Variants in SRGAP3 observed in about 807,000 individuals in gnomAD.
SRGAP3 encodes the protein SLIT-ROBO Rho GTPase-activating protein 3.
A neutral mutation model predicts 121.1 loss-of-function variants in SRGAP3; 39 were observed. The observed-to-expected ratio is 0.32, with a 90% CI of 0.25 to 0.42. SRGAP3 has a LOEUF of 0.42. Ranked by LOEUF, SRGAP3 falls within the 10% of genes least tolerant of loss-of-function variation. The probability of loss-of-function intolerance (pLI) is 1.00; values close to 1 mark genes in which losing one functional copy is unlikely to be tolerated. For missense variants in SRGAP3, 1,213 were observed against 1,470.6 expected (o/e 0.82, Z 2.86); for synonymous variants, 601 against 570.0 (o/e 1.05, Z -0.77).
At chr3:9,148,373 C>T (rs1950096149) in intron 1 of SRGAP3, among the ~76,000 whole-genome samples, 1 of 152,198 alleles carries the variant, frequency 6.6e-6, no homozygotes, top group Non-Finnish European at 1.5e-5. Flanking sequence ...TGGTGTCATG[C>T]AGGAAAAGAA....
rs900406109 is a variant in SRGAP3 at position 9,064,339 on chromosome 3, T to C, written c.672+57A>G. The C allele has an allele frequency of 1.5e-5, 24 of 1,610,966 alleles. 1 individual carries two copies. The highest frequency in any genetic ancestry group is 1.3e-4 in the East Asian group (6 of 44,844). The stretch of plus-strand genomic sequence containing the variant: ...AGGCTAAGGCTGTCCGCCAAGACCA[T>C]GGCCCTCCCCTTTGTGCCCTGTCCC... On this transcript the variant is annotated intron_variant, in intron 5 of 21. Transcript: ENST00000383836.
chr3:9,004,697 C>T lies in SRGAP3; in HGVS notation c.2227+5611G>A, dbSNP rs1281721304. On this transcript the variant is annotated intron_variant, in intron 18 of 21. Coordinates refer to ENST00000383836, the MANE Select transcript of SRGAP3 (RefSeq NM_014850.4). ...AAAAGAATAATTTTGTTCAACTAAT[C>T]GTGCTGGGACAACTGGAGAGCCACA... Among the ~76,000 whole-genome samples, 6 of 152,178 alleles carry T rather than the reference C, an allele frequency of 3.9e-5. No homozygotes were observed. The South Asian group carries it at 6.2e-4, about 16-fold the overall frequency.
At chr3:9,347,725 C>A (rs1955932778) in intron 1 of SRGAP3, among the ~76,000 whole-genome samples, 1 of 152,178 alleles carries the variant, frequency 6.6e-6, no homozygotes, top group Non-Finnish European at 1.5e-5. Context: ...CCATCTAGCC[C>A]TAGGAAGTCA....
At position 9,056,307 on chromosome 3, in the gene SRGAP3, C is replaced by T. The variant is rs187226406; in HGVS notation, c.1051G>A (p.Val351Ile). 3.5e-4 allele frequency: 559 copies of T among 1,613,650 alleles called. 1 individual carries two copies. Among genetic ancestry groups the T allele is most frequent in the Admixed American group, 6.8e-4 (41 of 60,028 alleles). ...TAACGCATGAGCAGTTCTGTCTGGACGGGCTGCTGAGCGCTGACCTGGCAG... is the reference window on the plus strand; with the variant it reads ...TAACGCATGAGCAGTTCTGTCTGGATGGGCTGCTGAGCGCTGACCTGGCAG... The part of the protein sequence containing the change: ...EVCQVSAQQP[V>I]QTELLMRYHQ... Residue 351 changes from valine to isoleucine, a missense_variant, in exon 8 of 22, where the codon GTC becomes ATC. This residue lies in a region of SRGAP3 where 793 missense variants were observed against 1,032.9 expected (regional missense o/e 0.77). Transcript: ENST00000383836.
intron 18 of SRGAP3, among the ~76,000 whole-genome samples, chr3:9,008,550 T>C: frequency 6.6e-6 from 1 of 151,630 alleles, no homozygotes; most frequent in East Asian, 1.9e-4. Flanking sequence ...GTGAGGGCTG[T>C]TAAAAGGGAT....
At chr3:9,181,903 G>A (rs1951415379) in intron 1 of SRGAP3, among the ~76,000 whole-genome samples, 2 of 152,104 alleles carry the variant, frequency 1.3e-5, no homozygotes, top group African/African-American at 4.8e-5. Context: ...GGCTGGGGAC[G>A]GTGGCTCACG....
chr3:9,196,075 C>T (rs2125148598), intron 1 of SRGAP3, among the ~76,000 whole-genome samples: 1 of 152,308 alleles, frequency 6.6e-6, no homozygotes, highest in Admixed American at 6.5e-5. Flanking sequence ...AAGCTTTCTG[C>T]AGGAGGTGGG....
intron 4 of SRGAP3, among the ~76,000 whole-genome samples, chr3:9,066,824 AG>A (rs954506087): frequency 4.6e-5 from 7 of 152,200 alleles, no homozygotes; most frequent in African/African-American, 1.7e-4. Flanking sequence ...ATTAAATCAC[AG>A]CATTGATTCA....
Position 8,985,567 on chromosome 3 carries a change from G to T in SRGAP3, c.3252C>A (p.Thr1084=). ...CTGAGCTGTTGGGGAACATCTTCTCGGTGGGCGTCACGGCCGGGCTGCCCA... is the reference window on the plus strand; with the variant it reads ...CTGAGCTGTTGGGGAACATCTTCTCTGTGGGCGTCACGGCCGGGCTGCCCA... ...SGVGSPAVTP[T]EKMFPNSSAD... is the part of the protein sequence containing the mutation. The change falls in exon 22 of 22, where the codon ACC becomes ACA. Residue 1084 remains threonine, a synonymous_variant. Coordinates refer to ENST00000383836, the MANE Select transcript of SRGAP3 (RefSeq NM_014850.4). This position sits in a 1 kb window ranked among gnomAD's most constrained non-coding sequence, Gnocchi z 5.1. 6 of 1,598,670 alleles carry T rather than the reference G, an allele frequency of 3.8e-6. No individual in the cohort carries two copies. Among genetic ancestry groups the T allele is most frequent in the Non-Finnish European group, 5.1e-6 (6 of 1,179,410 alleles).
rs1473849846 is a variant in SRGAP3 at position 8,983,207 on chromosome 3, T to C, written c.*2312A>G. On this transcript the variant is annotated 3_prime_UTR_variant, in exon 22 of 22. Transcript: ENST00000383836. ...CTCTGCTCCTAGCCAGTGTCAAATC[T>C]TGGGCAGGTCACAGCACAGCCCAAG... 2 of 226,836 alleles carry C rather than the reference T, an allele frequency of 8.8e-6. No homozygotes were observed. Among genetic ancestry groups the C allele is most frequent in the Non-Finnish European group, 1.8e-5 (2 of 114,224 alleles). The allele number at this position is 226,836 out of a possible 1,614,324, so 14.1% of individuals were successfully genotyped here.
At chr3:9,140,467 T>C (rs985006579) in intron 1 of SRGAP3, among the ~76,000 whole-genome samples, 5 of 152,172 alleles carry the variant, frequency 3.3e-5, no homozygotes, top group Non-Finnish European at 7.4e-5. Context: ...ATCATGGTTA[T>C]TTTGAGGTGG....
Position 9,334,567 on chromosome 3 carries a change from C to T in SRGAP3, n.215-3971G>A, listed in dbSNP as rs185132671. Among the ~76,000 whole-genome samples the T allele has an allele frequency of 8.2e-3, 1,250 of 152,194 alleles. 19 individuals carry two copies. The highest frequency in any genetic ancestry group is 0.024 in the Middle Eastern group (7 of 294). ...CATGAGTAATCATCTCTCATTAAGG[C>T]CCTTTATGTACTAGTCACTATATTA... is the stretch of plus-strand genomic sequence containing the variant. On this transcript the variant is annotated intron_variant and non_coding_transcript_variant, in intron 1 of 3. Coordinates refer to the SRGAP3 transcript ENST00000490889.
At chr3:9,178,516 T>C (rs1438760957) in intron 1 of SRGAP3, among the ~76,000 whole-genome samples, 2 of 152,222 alleles carry the variant, frequency 1.3e-5, no homozygotes, top group Admixed American at 1.3e-4. Context: ...GTCTGAATTG[T>C]GTTTTTGACA....
intron 12 of SRGAP3, among the ~76,000 whole-genome samples, chr3:9,030,442 CA>C (rs1944427387): frequency 1.3e-5 from 2 of 152,150 alleles, no homozygotes; most frequent in African/African-American, 4.8e-5. Flanking sequence ...ATTCCAAAGA[CA>C]AGGTGTCCAT....
At chr3:9,062,145 CCT>C (rs1192222024) in intron 5 of SRGAP3, among the ~76,000 whole-genome samples, 2 of 152,072 alleles carry the variant, frequency 1.3e-5, no homozygotes, top group African/African-American at 4.8e-5. Flanking sequence ...TGACCATGAC[CCT>C]GAGACCATTT....
intron 3 of SRGAP3, among the ~76,000 whole-genome samples, chr3:9,082,707 C>G (rs1947298878): frequency 6.6e-6 from 1 of 152,194 alleles, no homozygotes; most frequent in Non-Finnish European, 1.5e-5. Context: ...CATAGCTGGA[C>G]CAGCTGCTAA....
chr3:9,300,504 T>C (rs1955038202), intron 3 of SRGAP3, among the ~76,000 whole-genome samples: 1 of 152,004 alleles, frequency 6.6e-6, no homozygotes, highest in Admixed American at 6.5e-5. Flanking sequence ...TTCCCATCTT[T>C]GCCACCTGTG....
intron 3 of SRGAP3, among the ~76,000 whole-genome samples, chr3:9,083,176 C>T (rs910030660): frequency 2.0e-5 from 3 of 152,188 alleles, no homozygotes; most frequent in Non-Finnish European, 4.4e-5. Context: ...ACTGCTGACT[C>T]CAGATTCTCT....
At chr3:9,226,274 G>C (rs1026174262) in intron 1 of SRGAP3, among the ~76,000 whole-genome samples, 1 of 152,196 alleles carries the variant, frequency 6.6e-6, no homozygotes, top group Admixed American at 6.5e-5. Context: ...ATCAGAAAGA[G>C]TTTTACTTTT....
Sources: allele counts gnomAD v4.1 joint callset (sites outside exome capture counted in the v4.1 genomes callset), GRCh38; gene constraint gnomAD v4.1.1; regional missense constraint gnomAD v4.1.1; non-coding constraint Gnocchi (gnomAD v3.1); transcripts MANE v1.5; gene names NCBI Gene and HGNC (gene_info 2026-07-23, HGNC 2026-07-21).